The following ADAMTS6 variants were observed in gnomAD, a reference collection of about 807,000 sequenced individuals.
The protein encoded by ADAMTS6 is A disintegrin and metalloproteinase with thrombospondin motifs 6.
ADAMTS6 carries 23 observed loss-of-function variants against 144.3 expected under a neutral mutation model. The observed-to-expected ratio is 0.16, with a 90% CI of 0.11 to 0.23. ADAMTS6 has a LOEUF of 0.23. ADAMTS6 is among the 10% of genes least tolerant of loss of function. ADAMTS6 has a pLI of 1.00. For synonymous variants in ADAMTS6, 444 were observed against 457.5 expected, an observed-to-expected ratio of 0.97 and a Z score of 0.38; for missense variants, 999 against 1,379.6, an observed-to-expected ratio of 0.72 and a Z score of 4.37.
At position 65,237,783 on chromosome 5, in the gene ADAMTS6, T is replaced by C. The variant is rs183501477; in HGVS notation, c.1933+4321A>G. 2.0e-3 allele frequency among the ~76,000 whole-genome samples: 297 copies of C among 152,256 alleles called. 1 individual carries two copies. Among genetic ancestry groups the C allele is most frequent in the African/African-American group, 7.0e-3 (289 of 41,572 alleles). ...CATCATGATCACATGGGGTTTATCC[T>C]AGAAATATAAGCTTGGTTTGAGGTT... On this transcript the variant is annotated intron_variant, in intron 15 of 24. Transcript: ENST00000381055.
intron 7 of ADAMTS6, among the ~76,000 whole-genome samples, chr5:65,388,751 C>A (rs1752672658): frequency 6.6e-6 from 1 of 152,122 alleles, no homozygotes; most frequent in Non-Finnish European, 1.5e-5. Flanking sequence ...CAAAATACTG[C>A]TACGTAGTGT....
chr5:65,304,525 T>C (rs1194802094), intron 9 of ADAMTS6, among the ~76,000 whole-genome samples: 1 of 152,136 alleles, frequency 6.6e-6, no homozygotes, highest in Non-Finnish European at 1.5e-5. Flanking sequence ...CTCGACCTCC[T>C]GTGCTCAAGC....
chr5:65,215,546 T>C, intron 18 of ADAMTS6, 59 bp from the exon 19 acceptor site: 1 of 1,472,992 alleles, frequency 6.8e-7, no homozygotes, highest in Non-Finnish European at 9.3e-7. Context: ...AAAGTGTCAC[T>C]GATTAATTAC....
chr5:65,448,652 C>T (rs952518907), intron 7 of ADAMTS6, among the ~76,000 whole-genome samples: 1 of 151,986 alleles, frequency 6.6e-6, no homozygotes, highest in Non-Finnish European at 1.5e-5. Flanking sequence ...GACAGGGTTT[C>T]ACCGTGTTAG....
intron 21 of ADAMTS6, among the ~76,000 whole-genome samples, chr5:65,195,451 C>T (rs1755276974): frequency 6.6e-6 from 1 of 152,298 alleles, no homozygotes; most frequent in Admixed American, 6.5e-5. Flanking sequence ...ATTCCTTGTG[C>T]TTCTTATTTG....
At chr5:65,398,858 G>GAA (rs1753671932) in intron 7 of ADAMTS6, among the ~76,000 whole-genome samples, 1 of 149,776 alleles carries the variant, frequency 6.7e-6, no homozygotes, top group African/African-American at 2.5e-5. Context: ...GAAAAAGAAA[G>GAA]AGAAAGAAAG....
rs1192800960 is a variant in ADAMTS6, at chr5:65,150,889, C to G, written c.*947G>C. On this transcript the variant is annotated 3_prime_UTR_variant, in exon 25 of 25. Transcript: ENST00000381055. ...CGTGCAGCAATCCAAAGGGCAGAAG[C>G]CGTGCTGTGGCTGGGGAGGATGTAA... 1 of 152,640 alleles carries G rather than the reference C, an allele frequency of 6.6e-6. No homozygotes were observed. Among genetic ancestry groups the G allele is most frequent in the Admixed American group, 6.5e-5 (1 of 15,278 alleles). 9.5% of individuals were successfully genotyped at this position (152,640 alleles called of 1,614,324 possible).
chr5:65,321,122 C>A (rs1745570044), intron 9 of ADAMTS6, among the ~76,000 whole-genome samples: 1 of 152,150 alleles, frequency 6.6e-6, no homozygotes, highest in African/African-American at 2.4e-5. Context: ...TGAGGAATCA[C>A]CACACTGTCT....
At chr5:65,423,841 A>G (rs1397566198) in intron 7 of ADAMTS6, among the ~76,000 whole-genome samples, 1 of 152,194 alleles carries the variant, frequency 6.6e-6, no homozygotes, top group Non-Finnish European at 1.5e-5. Flanking sequence ...GCTACTTCAA[A>G]AAACAGAACT....
intron 7 of ADAMTS6, among the ~76,000 whole-genome samples, chr5:65,431,882 T>A (rs1413642034): frequency 6.6e-6 from 1 of 152,102 alleles, no homozygotes; most frequent in Non-Finnish European, 1.5e-5. Flanking sequence ...TATATTTGGA[T>A]ATAGATAATT....
At chr5:65,191,141 A>G (rs970199280) in intron 21 of ADAMTS6, among the ~76,000 whole-genome samples, 4 of 152,068 alleles carry the variant, frequency 2.6e-5, no homozygotes, top group Admixed American at 2.6e-4. Flanking sequence ...AGCTTTTCCC[A>G]ATACACAAAT....
At chr5:65,354,262 G>GT (rs1306846628) in intron 7 of ADAMTS6, among the ~76,000 whole-genome samples, 1 of 151,732 alleles carries the variant, frequency 6.6e-6, no homozygotes, top group Non-Finnish European at 1.5e-5. Flanking sequence ...TACTGCTTCT[G>GT]TGTCTTCCAT....
At chr5:65,452,065 ATAAG>A in intron 6 of ADAMTS6, 64 bp downstream of exon 6, 1 of 1,189,616 alleles carries the variant, frequency 8.4e-7, no homozygotes, top group Non-Finnish European at 1.2e-6. Flanking sequence ...TTATTTAATA[ATAAG>A]TAATTCTATA....
At chr5:65,393,188 T>C (rs1753063953) in intron 7 of ADAMTS6, among the ~76,000 whole-genome samples, 1 of 152,178 alleles carries the variant, frequency 6.6e-6, no homozygotes, top group Non-Finnish European at 1.5e-5. Context: ...TCTCTAGGCT[T>C]AAAATATTAC....
intron 20 of ADAMTS6, among the ~76,000 whole-genome samples, chr5:65,199,454 G>T (rs1235422260): frequency 6.6e-6 from 1 of 152,134 alleles, no homozygotes; most frequent in Admixed American, 6.5e-5. Context: ...AGTTAGTAGA[G>T]CTGTGATTTA....
chr5:65,398,522 C>T (rs1287149434), intron 7 of ADAMTS6, among the ~76,000 whole-genome samples: 8 of 152,060 alleles, frequency 5.3e-5, no homozygotes, highest in African/African-American at 9.7e-5. Flanking sequence ...GTCAGGAGTT[C>T]GAGACCGGCC....
intron 20 of ADAMTS6, among the ~76,000 whole-genome samples, chr5:65,207,167 C>T (rs1349681796): frequency 6.6e-6 from 1 of 152,132 alleles, no homozygotes; most frequent in African/African-American, 2.4e-5. Flanking sequence ...TTTATCTCTT[C>T]CCCCAAAGAA....
At chr5:65,252,279 T>C (rs553631083) in intron 14 of ADAMTS6, among the ~76,000 whole-genome samples, 56 of 152,094 alleles carry the variant, frequency 3.7e-4, no homozygotes, top group African/African-American at 1.2e-3. Flanking sequence ...CTTGGGTTAC[T>C]AGGAATTCCG....
At chr5:65,312,948 T>G (rs996244774) in intron 9 of ADAMTS6, among the ~76,000 whole-genome samples, 1 of 151,958 alleles carries the variant, frequency 6.6e-6, no homozygotes, top group East Asian at 1.9e-4. Context: ...TTTAGTACTA[T>G]GAGAAAAATG....
Sources: gnomAD v4.1 joint callset for allele counts (sites outside exome capture counted in the v4.1 genomes callset) on GRCh38, gnomAD v4.1.1 for gene constraint, MANE v1.5 for transcripts, NCBI Gene and HGNC (gene_info 2026-07-23, HGNC 2026-07-21) for gene names.